ERI1: variants seen among roughly 807,000 people sequenced by gnomAD.
The protein encoded by ERI1 is exoribonuclease 1.
A neutral mutation model predicts 39.7 loss-of-function variants in ERI1; 39 were observed. The ratio of observed to expected loss-of-function variants is 0.98; its 90% CI spans 0.76 to 1.28. ERI1 has a LOEUF of 1.28. Ranked by LOEUF, ERI1 falls within the 50% of genes most tolerant of loss-of-function variation. The probability of loss-of-function intolerance (pLI) is 0.00; values close to 1 mark genes in which losing one functional copy is unlikely to be tolerated. For synonymous variants in ERI1, 204 were observed against 149.6 expected, an observed-to-expected ratio of 1.36 and a Z score of -2.65; for missense variants, 581 against 416.9, an observed-to-expected ratio of 1.39 and a Z score of -3.43.
At chr8:9,052,628 A>T (rs1358447234) in intron 3 of ERI1, among the ~76,000 whole-genome samples, 1 of 152,214 alleles carries the variant, frequency 6.6e-6, no homozygotes, top group East Asian at 1.9e-4. Context: ...GAGGTTAAAT[A>T]TGTTAACTTC....
rs186121815 is a variant in ERI1, at chr8:9,006,233, C to A, written c.109-1737C>A. Among the ~76,000 whole-genome samples, 180 of 151,382 alleles carry A rather than the reference C, an allele frequency of 1.2e-3. 2 individuals are homozygous for A. Among genetic ancestry groups the A allele is most frequent in the Middle Eastern group, 3.4e-3 (1 of 292 alleles). On this transcript the variant is annotated intron_variant, in intron 1 of 6. Coordinates refer to ENST00000250263, the MANE Select transcript of ERI1 (RefSeq NM_153332.4). The stretch of plus-strand genomic sequence containing the variant: ...ATTTGAAATTTGGGAGGAGACACTG[C>A]TTTCTGAGGATTGGACCTCGGCTGT...
chr8:9,036,711 A>T (rs936069400), downstream of ERI1, among the ~76,000 whole-genome samples: 1 of 152,100 alleles, frequency 6.6e-6, no homozygotes, highest in Admixed American at 6.5e-5. Flanking sequence ...TCTATTGAGT[A>T]AAAGAACAAA....
chr8:9,054,975 G>A (rs1281205220), intron 3 of ERI1, among the ~76,000 whole-genome samples: 1 of 152,132 alleles, frequency 6.6e-6, no homozygotes, highest in Non-Finnish European at 1.5e-5. Flanking sequence ...AAATAGAAAT[G>A]TGATTGGACA....
intron 3 of ERI1, among the ~76,000 whole-genome samples, chr8:9,090,915 A>G (rs1158230889): frequency 6.6e-6 from 1 of 152,178 alleles, no homozygotes; most frequent in East Asian, 1.9e-4. Context: ...TATTTTCTGT[A>G]TTTTATAAAC....
At chr8:9,090,763 GAC>G (rs1182201569) in intron 3 of ERI1, among the ~76,000 whole-genome samples, 1 of 152,120 alleles carries the variant, frequency 6.6e-6, no homozygotes, top group African/African-American at 2.4e-5. Flanking sequence ...GTGGAGGAAA[GAC>G]ACAAGATCAA....
At position 9,004,302 on chromosome 8, in the gene ERI1, T is replaced by C. The variant is rs538703357; in HGVS notation, c.108+1131T>C. On this transcript the variant is annotated intron_variant, in intron 1 of 6. Transcript: ENST00000250263. ...TACGTTGTCAATCTCATCCTGTAAG[T>C]GGGTTTTAAAATAAATTTCGAAGTT... 93 of 1,127,628 alleles carry C rather than the reference T, an allele frequency of 8.2e-5. No homozygotes were observed. In the African/African-American group the frequency reaches 1.3e-3, roughly 16 times the overall value. The allele number at this position is 1,127,628 out of a possible 1,614,324, so 69.9% of individuals were successfully genotyped here. A position where few individuals can be genotyped will look rare whatever the true frequency, so the allele number is the denominator to read the frequency against.
At chr8:9,017,499 C>G (rs751550709) in intron 4 of ERI1, among the ~76,000 whole-genome samples, 1 of 152,142 alleles carries the variant, frequency 6.6e-6, no homozygotes, top group Non-Finnish European at 1.5e-5. Context: ...AGACGTATGT[C>G]TGTGCAGTGG....
rs1176305636 is a variant in ERI1, at chr8:9,032,819, C to G, written c.*2785C>G. ...GATAATAATGCATGTTTGGCCTCAG[C>G]TGTAGTTGCCAAAGAAACTACCTGC... On this transcript the variant is annotated 3_prime_UTR_variant, in exon 7 of 7. Transcript: ENST00000250263. 6.6e-6 allele frequency: 1 copy of G among 152,152 alleles called. No homozygotes were observed. Among genetic ancestry groups the G allele is most frequent in the Non-Finnish European group, 1.5e-5 (1 of 68,038 alleles). The allele number at this position is 152,152 out of a possible 1,614,324, so 9.4% of individuals were successfully genotyped here. A position where few individuals can be genotyped will look rare whatever the true frequency, so the allele number is the denominator to read the frequency against.
chr8:9,026,180 C>T (rs562585180), intron 6 of ERI1, among the ~76,000 whole-genome samples: 19 of 152,266 alleles, frequency 1.2e-4, no homozygotes, highest in African/African-American at 4.6e-4. Flanking sequence ...CAAAAAGTTT[C>T]GGATTTTAGA....
chr8:9,099,553 T>C (rs1799985000), intron 3 of ERI1, among the ~76,000 whole-genome samples: 1 of 148,660 alleles, frequency 6.7e-6, no homozygotes, highest in Non-Finnish European at 1.5e-5. Flanking sequence ...TGTGACGGTA[T>C]CATTGCAATC....
At chr8:9,080,366 C>T (rs935409886) in intron 3 of ERI1, among the ~76,000 whole-genome samples, 1 of 152,176 alleles carries the variant, frequency 6.6e-6, no homozygotes, top group African/African-American at 2.4e-5. Context: ...CATGTGATGT[C>T]CTGACAGGAT....
At chr8:9,076,050 C>A (rs1799201148) in intron 3 of ERI1, among the ~76,000 whole-genome samples, 1 of 152,160 alleles carries the variant, frequency 6.6e-6, no homozygotes, top group Admixed American at 6.5e-5. Context: ...ATCCTCCTGC[C>A]TCAGCCTCCC....
chr8:9,097,754 A>G (rs1241802180), intron 3 of ERI1, among the ~76,000 whole-genome samples: 1 of 152,120 alleles, frequency 6.6e-6, no homozygotes, highest in Non-Finnish European at 1.5e-5. Context: ...AGAAGAAAAG[A>G]CATAAACAAG....
chr8:9,008,610 G>A (rs928344878), intron 2 of ERI1, among the ~76,000 whole-genome samples: 3 of 151,974 alleles, frequency 2.0e-5, no homozygotes, highest in Non-Finnish European at 4.4e-5. Context: ...TACAATGATC[G>A]TTTGCATTAT....
chr8:9,080,155 A>T (rs181624087), intron 3 of ERI1, among the ~76,000 whole-genome samples: 1 of 152,320 alleles, frequency 6.6e-6, no homozygotes, highest in East Asian at 1.9e-4. Flanking sequence ...GTTATTTTAC[A>T]GCGACTTGTG....
intron 3 of ERI1, among the ~76,000 whole-genome samples, chr8:9,094,257 G>T (rs913366130): frequency 6.6e-6 from 1 of 152,176 alleles, no homozygotes; most frequent in African/African-American, 2.4e-5. Flanking sequence ...AATCGTCGTG[G>T]ACTCTCAGGA....
In ERI1 at chr8:9,025,201, A is replaced by G. The variant is rs566972397; in HGVS notation, c.808-4591A>G. On this transcript the variant is annotated intron_variant, in intron 6 of 6. Transcript: ENST00000250263. The stretch of plus-strand genomic sequence containing the variant: ...TGAAAGGGAGGAAAAATATTTAATT[A>G]TCTCCTACAGTTTTTCCATGTGGCA... Among the ~76,000 whole-genome samples, 11 of 152,286 alleles carry G rather than the reference A, an allele frequency of 7.2e-5. No individual in the cohort carries two copies. The South Asian group carries it at 2.3e-3, about 32-fold the overall frequency.
chr8:9,026,295 G>T (rs907456276), intron 6 of ERI1, among the ~76,000 whole-genome samples: 2 of 152,118 alleles, frequency 1.3e-5, no homozygotes, highest in African/African-American at 4.8e-5. Flanking sequence ...CAACAGTTCA[G>T]TGGCATTAAG....
chr8:9,067,548 A>T (rs185289018), intron 3 of ERI1, among the ~76,000 whole-genome samples: 96 of 151,888 alleles, frequency 6.3e-4, no homozygotes, highest in African/African-American at 2.2e-3. Context: ...CTAGCTACTT[A>T]GGAGACTTAG....
Sources: gnomAD v4.1 joint callset for allele counts (sites outside exome capture counted in the v4.1 genomes callset) on GRCh38, gnomAD v4.1.1 for gene constraint, MANE v1.5 for transcripts, NCBI Gene and HGNC (gene_info 2026-07-23, HGNC 2026-07-21) for gene names.